The following ADAMTS9 variants were observed in gnomAD, a reference collection of about 807,000 sequenced individuals.
ADAMTS9 encodes A disintegrin and metalloproteinase with thrombospondin motifs 9.
ADAMTS9 carries 107 observed loss-of-function variants against 257.1 expected under a neutral mutation model. The observed-to-expected ratio is 0.42, with a 90% confidence interval of 0.36 to 0.49. The LOEUF (loss-of-function observed/expected upper bound fraction) is 0.49. Among genes scored for constraint, ADAMTS9 ranks in the 20% least tolerant of loss-of-function variants. The probability of loss-of-function intolerance (pLI) is 0.03; values close to 1 mark genes in which losing one functional copy is unlikely to be tolerated. For synonymous variants in ADAMTS9, 982 were observed against 880.9 expected (o/e 1.11, Z -2.03); for missense variants, 2,353 against 2,469.1 (o/e 0.95, Z 1.00).
intron 12 of ADAMTS9, 152 bp downstream of exon 12, chr3:64,641,696 C>T: frequency 1.1e-6 from 1 of 913,928 alleles, no homozygotes; most frequent in African/African-American, 1.7e-5. Context: ...TGGGAATAGA[C>T]TTTGGGTACC....
At chr3:64,562,088 A>C (rs926085664) in intron 29 of ADAMTS9, among the ~76,000 whole-genome samples, 3 of 152,208 alleles carry the variant, frequency 2.0e-5, no homozygotes, top group Admixed American at 6.5e-5. Flanking sequence ...AGAAATGAAA[A>C]CTTGAAATGA....
At chr3:64,603,888 A>G (rs375518453) in intron 25 of ADAMTS9, 34 bp downstream of exon 25, 3 of 1,607,922 alleles carry the variant, frequency 1.9e-6, no homozygotes, top group Middle Eastern at 1.7e-4. Context: ...TGTTTCCCCC[A>G]TTCCCCCTAA....
At chr3:64,546,323 C>G (rs2083198280) in intron 32 of ADAMTS9, among the ~76,000 whole-genome samples, 1 of 151,680 alleles carries the variant, frequency 6.6e-6, no homozygotes, top group South Asian at 2.1e-4. Flanking sequence ...TCAAGATGCT[C>G]CAAGGAACAT....
At chr3:64,594,198 C>T in intron 28 of ADAMTS9, 60 bp downstream of exon 28, 3 of 1,535,144 alleles carry the variant, frequency 2.0e-6, no homozygotes, top group Non-Finnish European at 8.8e-7. Context: ...CAGAGGAGTG[C>T]CCCAGAATAC....
intron 26 of ADAMTS9, among the ~76,000 whole-genome samples, chr3:64,599,643 G>A (rs1381987493): frequency 6.6e-6 from 1 of 152,180 alleles, no homozygotes; most frequent in African/African-American, 2.4e-5. Context: ...ATCCTCAGCA[G>A]AATAACTCAA....
chr3:64,633,583 C>A lies in ADAMTS9; in HGVS notation c.2064G>T (p.Leu688Phe), dbSNP rs559913247. ...SGILMKDRCKLFCRVAGNTAY... is the reference protein window; with the variant it reads ...SGILMKDRCKFFCRVAGNTAY... ...CTGTGTTCCCTGCCACTCTGCAGAA[C>A]AACTTGCACCGGTCCTTCATCAGAA... Residue 688 changes from leucine (L) to phenylalanine (F), a missense_variant, in exon 14 of 40, where the codon TTG becomes TTT. Leu to Phe is a conservative substitution (Grantham distance 22). Transcript: ENST00000498707. The A allele has an allele frequency of 6.2e-7, 1 of 1,614,106 alleles. No homozygotes were observed. The highest frequency in any genetic ancestry group is 8.5e-7 in the Non-Finnish European group (1 of 1,180,010).
In ADAMTS9 at chr3:64,633,538, G is replaced by A. The variant is rs1399160512; in HGVS notation, c.2109C>T (p.Asp703=). 4 of 1,613,976 alleles carry A rather than the reference G, an allele frequency of 2.5e-6. No homozygotes were observed. The highest frequency in any genetic ancestry group is 1.3e-5 in the African/African-American group (1 of 74,920). The change falls in exon 14 of 40, where the codon GAC becomes GAT. Residue 703 remains aspartate (D), a synonymous_variant. Coordinates refer to ENST00000498707, the MANE Select transcript of ADAMTS9 (RefSeq NM_182920.2). ...CACAAGGAGTTCCATCTATCACTCT[G>A]TCTCGAAGCTGATAGTAGGCTGTGT... ...AGNTAYYQLR[D]RVIDGTPCGQ...
chr3:64,577,988 G>T (rs974205624), intron 28 of ADAMTS9, among the ~76,000 whole-genome samples: 1 of 152,162 alleles, frequency 6.6e-6, no homozygotes, highest in Non-Finnish European at 1.5e-5. Context: ...AGCATGTCAG[G>T]TAGACTATCC....
intron 36 of ADAMTS9, among the ~76,000 whole-genome samples, chr3:64,539,624 A>G (rs1225285018): frequency 1.3e-5 from 2 of 152,180 alleles, no homozygotes. Flanking sequence ...CCTCACTTAA[A>G]TGTAGCGTAA....
At chr3:64,551,397 G>T (rs1350546615) in intron 30 of ADAMTS9, among the ~76,000 whole-genome samples, 2 of 152,056 alleles carry the variant, frequency 1.3e-5, no homozygotes, top group African/African-American at 4.8e-5. Flanking sequence ...TTTTAGTAGA[G>T]ACAGGGTTTC....
intron 28 of ADAMTS9, chr3:64,592,785 T>TG (rs1174406814): frequency 1.3e-5 from 2 of 151,724 alleles, no homozygotes; most frequent in African/African-American, 4.9e-5. Flanking sequence ...TTTTTTTTTT[T>TG]GGGTCAAAGT....
At chr3:64,633,389 C>T (rs766549045) in intron 14 of ADAMTS9, 83 bp downstream of exon 14, 317 of 1,568,160 alleles carry the variant, frequency 2.0e-4, no homozygotes, top group Non-Finnish European at 2.7e-4. Flanking sequence ...CAGATACTAG[C>T]AGTTGCTATT....
At chr3:64,608,029 A>G (rs557743001) in intron 22 of ADAMTS9, among the ~76,000 whole-genome samples, 59 of 152,164 alleles carry the variant, frequency 3.9e-4, no homozygotes, top group Non-Finnish European at 7.5e-4. Context: ...TTCTTAACCC[A>G]TAGGTCAAAA....
chr3:64,559,747 C>T (rs1175818186), intron 30 of ADAMTS9, among the ~76,000 whole-genome samples: 1 of 152,242 alleles, frequency 6.6e-6, no homozygotes, highest in East Asian at 1.9e-4. Context: ...CAAGGTTTTT[C>T]CATTCTTCGG....
chr3:64,612,744 C>T (rs1162408362), intron 22 of ADAMTS9, among the ~76,000 whole-genome samples: 1 of 152,168 alleles, frequency 6.6e-6, no homozygotes, highest in Non-Finnish European at 1.5e-5. Flanking sequence ...GTAGTGGCTT[C>T]TCAGATGCAA....
At chr3:64,549,790 C>T (rs1397543690) in intron 31 of ADAMTS9, among the ~76,000 whole-genome samples, 1 of 152,154 alleles carries the variant, frequency 6.6e-6, no homozygotes, top group Non-Finnish European at 1.5e-5. Context: ...TGTCTCTAGA[C>T]ACTGCCAAAT....
intron 3 of ADAMTS9, among the ~76,000 whole-genome samples, chr3:64,669,463 T>G (rs1031216845): frequency 2.6e-5 from 4 of 152,150 alleles, no homozygotes; most frequent in African/African-American, 9.7e-5. Flanking sequence ...AGCTCCAAGA[T>G]TAGGAGTCCC....
intron 19 of ADAMTS9, among the ~76,000 whole-genome samples, 166 bp downstream of exon 19, chr3:64,620,948 G>C (rs1033493104): frequency 1.3e-5 from 2 of 152,076 alleles, no homozygotes; most frequent in Non-Finnish European, 1.5e-5. Flanking sequence ...TGTATGTCTT[G>C]GATAATCAGT....
At chr3:64,591,507 A>T (rs2084258817) in intron 28 of ADAMTS9, among the ~76,000 whole-genome samples, 1 of 152,152 alleles carries the variant, frequency 6.6e-6, no homozygotes, top group South Asian at 2.1e-4. Flanking sequence ...GCCCATTTTA[A>T]AAAGGATAGA....
Sources: allele counts gnomAD v4.1 joint callset (sites outside exome capture counted in the v4.1 genomes callset), GRCh38; gene constraint gnomAD v4.1.1; transcripts MANE v1.5; gene names NCBI Gene and HGNC (gene_info 2026-07-23, HGNC 2026-07-21).